The following POSTN variants were observed in gnomAD, a reference collection of about 807,000 sequenced individuals.
POSTN encodes the protein periostin.
POSTN carries 71 observed loss-of-function variants against 104.5 expected under a neutral mutation model. The ratio of observed to expected loss-of-function variants is 0.68; its 90% CI spans 0.56 to 0.83. The LOEUF (loss-of-function observed/expected upper bound fraction) is 0.83. POSTN is among the 40% of genes least tolerant of loss of function. The pLI is 0.00. For missense variants in POSTN, 949 were observed against 1,006.8 expected (o/e 0.94, Z 0.78); for synonymous variants, 355 against 340.7 (o/e 1.04, Z -0.46).
chr13:37,587,951 A>C lies in POSTN; in HGVS notation c.477T>G (p.Val159=), dbSNP rs374037154. 1 of 1,604,734 alleles carries C rather than the reference A, an allele frequency of 6.2e-7. No individual in the cohort carries two copies. Among genetic ancestry groups the C allele is most frequent in the Non-Finnish European group, 8.5e-7 (1 of 1,172,924 alleles). The part of the protein sequence containing the change: ...IRRGLESNVN[V]ELLNALHSHM... The stretch of plus-strand genomic sequence containing the variant: ...GACTATGTAAAGCATTCAGTAATTC[A>C]ACATTCACGTTGCTCTCCAAACCTC... Residue 159 remains valine (V), a synonymous_variant, in exon 5 of 23, where the codon GTT becomes GTG. Transcript: ENST00000379747.
At chr13:37,575,369 T>G (rs1282604529) in intron 16 of POSTN, among the ~76,000 whole-genome samples, 1 of 152,002 alleles carries the variant, frequency 6.6e-6, no homozygotes, top group African/African-American at 2.4e-5. Flanking sequence ...CTATGTTTGC[T>G]GTTTGGGTGA....
intron 21 of POSTN, 39 bp downstream of exon 21, chr13:37,569,261 G>T: frequency 6.8e-7 from 1 of 1,463,366 alleles, no homozygotes; most frequent in Non-Finnish European, 9.5e-7. Context: ...TCAGTCACTA[G>T]AACCTGTTAA....
At position 37,569,697 on chromosome 13, in the gene POSTN, G is replaced by A. The variant is rs370161626; in HGVS notation, c.2347+47C>T. On this transcript the variant is annotated intron_variant, in intron 20 of 22. Coordinates refer to ENST00000379747, the MANE Select transcript of POSTN (RefSeq NM_006475.3). ...AGAATGTTATTTTAGACTTGTATAT[G>A]GATAGCTTAGGTAAAGTCACATTCT... 2.1e-4 allele frequency: 278 copies of A among 1,308,194 alleles called. No individual in the cohort carries two copies. In the African/African-American group the frequency reaches 3.7e-3, roughly 17 times the overall value. 81.0% of individuals were successfully genotyped at this position (1,308,194 alleles called of 1,614,324 possible).
chr13:37,590,122 A>T lies in POSTN; in HGVS notation c.441+250T>A, dbSNP rs1950883514. Among the ~76,000 whole-genome samples, 5 of 152,160 alleles carry T rather than the reference A, an allele frequency of 3.3e-5. No individual in the cohort carries two copies. The South Asian group carries it at 1.0e-3, about 32-fold the overall frequency. ...GAGGAAAGGAGTAAAATAGAATAGT[A>T]AGTGCCCTTTTAGCTGATTCTTGAT... On this transcript the variant is annotated intron_variant, in intron 4 of 22. Transcript: ENST00000379747.
At chr13:37,593,382 A>G (rs557148952) in intron 2 of POSTN, among the ~76,000 whole-genome samples, 1 of 151,140 alleles carries the variant, frequency 6.6e-6, no homozygotes, top group South Asian at 2.1e-4. Flanking sequence ...ATCATCTAAC[A>G]TAGGTAGCCT....
chr13:37,569,272 G>A, intron 21 of POSTN, 28 bp downstream of exon 21: 4 of 1,536,604 alleles, frequency 2.6e-6, no homozygotes, highest in South Asian at 1.1e-5. Context: ...AACCTGTTAA[G>A]GGGGTTAGTT....
intron 17 of POSTN, among the ~76,000 whole-genome samples, chr13:37,574,267 A>C (rs185153289): frequency 6.6e-6 from 1 of 151,702 alleles, no homozygotes; most frequent in African/African-American, 2.4e-5. Flanking sequence ...GAGTCTGACT[A>C]AAGTAAAAAA....
At chr13:37,581,471 G>A (rs2138279867) in intron 10 of POSTN, among the ~76,000 whole-genome samples, 1 of 152,308 alleles carries the variant, frequency 6.6e-6, no homozygotes, top group South Asian at 2.1e-4. Context: ...TGTAATCCCA[G>A]CACATTGGGA....
chr13:37,586,710 T>A (rs1950755910), intron 6 of POSTN, 72 bp downstream of exon 6: 1 of 1,448,134 alleles, frequency 6.9e-7, no homozygotes, highest in Non-Finnish European at 9.4e-7. Context: ...ATAGCATTTT[T>A]ATTGTTTTTA....
At chr13:37,583,425 T>G (rs963892043) in intron 9 of POSTN, among the ~76,000 whole-genome samples, 12 of 149,940 alleles carry the variant, frequency 8.0e-5, no homozygotes. Context: ...AAACTAAATA[T>G]GCTTTTTTTT....
intron 1 of POSTN, 37 bp from the exon 2 acceptor site, chr13:37,597,319 T>A: frequency 7.5e-7 from 1 of 1,341,936 alleles, no homozygotes; most frequent in Non-Finnish European, 1.0e-6. Flanking sequence ...GTTAATGTCC[T>A]AATAATGACT....
rs1294127097 is a variant in POSTN, at chr13:37,586,790, A to G, written c.745T>C (p.Ser249Pro). 3 of 1,612,770 alleles carry G rather than the reference A, an allele frequency of 1.9e-6. No individual in the cohort carries two copies. The highest frequency in any genetic ancestry group is 2.5e-6 in the Non-Finnish European group (3 of 1,179,216). The change falls in exon 6 of 23, where the codon TCT becomes CCT. Residue 249 changes from serine (S) to proline (P), a missense_variant. Transcript: ENST00000379747. ...DFIEAEDDLS[S>P]FRAAAITSDI... ...TCTGCTCTTGGACTTACTCTAAAAG[A>G]TGAAAGGTCATCTTCTGCTTCAATG...
At chr13:37,579,723 G>T (rs565231440) in intron 12 of POSTN, 138 bp downstream of exon 12, 4 of 984,860 alleles carry the variant, frequency 4.1e-6, no homozygotes, top group African/African-American at 1.6e-5. Flanking sequence ...CCAAGTGGAC[G>T]AAATAAAAGG....
intron 10 of POSTN, 99 bp downstream of exon 10, chr13:37,582,267 A>AGAAT: frequency 7.4e-7 from 1 of 1,356,812 alleles, no homozygotes. Flanking sequence ...AATATTTACT[A>AGAAT]TTAGAACCAC....
intron 22 of POSTN, among the ~76,000 whole-genome samples, chr13:37,564,227 T>TATATA (rs1555350407): frequency 7.8e-6 from 1 of 127,780 alleles, no homozygotes; most frequent in South Asian, 2.5e-4. Context: ...TATATATATA[T>TATATA]ATGTATGGAG....
chr13:37,593,343 C>T (rs947729566), intron 2 of POSTN, among the ~76,000 whole-genome samples: 5 of 149,114 alleles, frequency 3.4e-5, no homozygotes, highest in African/African-American at 4.9e-5. Flanking sequence ...TTTATTTTTT[C>T]GCATTTCATA....
At chr13:37,572,054 A>C (rs932555476) in intron 17 of POSTN, among the ~76,000 whole-genome samples, 2 of 151,694 alleles carry the variant, frequency 1.3e-5, no homozygotes, top group African/African-American at 4.8e-5. Context: ...TAACCAGTTA[A>C]TAGTTAAACA....
intron 2 of POSTN, among the ~76,000 whole-genome samples, chr13:37,593,666 T>A (rs1951006503): frequency 6.6e-6 from 1 of 151,448 alleles, no homozygotes; most frequent in Non-Finnish European, 1.5e-5. Context: ...ATTCAAGAAG[T>A]ATGAATGAAT....
intron 21 of POSTN, among the ~76,000 whole-genome samples, chr13:37,567,149 T>C (rs1950131929): frequency 7.6e-6 from 1 of 131,252 alleles, no homozygotes; most frequent in South Asian, 2.7e-4. Context: ...GGCAGGAGAA[T>C]GGCGTGAACC....
Sources: gnomAD v4.1 joint callset for allele counts (sites outside exome capture counted in the v4.1 genomes callset) on GRCh38, gnomAD v4.1.1 for gene constraint, MANE v1.5 for transcripts, NCBI Gene and HGNC (gene_info 2026-07-23, HGNC 2026-07-21) for gene names.